Variants in F13A1 observed in about 807,000 individuals in gnomAD.
The protein encoded by F13A1 is coagulation factor XIII A chain.
In F13A1, 47 loss-of-function variants were observed where a neutral mutation model predicts 80.1. The observed-to-expected ratio is 0.59, with a 90% confidence interval of 0.46 to 0.75. The LOEUF is 0.75. F13A1 is among the 30% of genes least tolerant of loss of function. The pLI is 0.00. For synonymous variants in F13A1, 349 were observed against 344.9 expected (o/e 1.01, Z -0.13); for missense variants, 817 against 930.4 (o/e 0.88, Z 1.59).
intron 8 of F13A1, chr6:6,206,538 C>G: frequency 2.0e-6 from 1 of 490,822 alleles, no homozygotes; most frequent in Non-Finnish European, 4.2e-6. Flanking sequence ...TCAAGTGAGA[C>G]TTGAGTGGAA....
intron 3 of F13A1, among the ~76,000 whole-genome samples, chr6:6,297,583 C>T (rs896955560): frequency 2.7e-5 from 4 of 149,652 alleles, no homozygotes; most frequent in East Asian, 1.9e-4. Flanking sequence ...TCTGTGGGAT[C>T]GGTGGTGATA....
intron 3 of F13A1, among the ~76,000 whole-genome samples, chr6:6,267,875 T>C (rs767860924): frequency 1.2e-4 from 19 of 152,208 alleles, no homozygotes; most frequent in Non-Finnish European, 1.9e-4. Flanking sequence ...AGCTTCACCT[T>C]TGTGCTAACT....
chr6:6,161,524 A>ATGTGTGTGTGTGTGTGTGTGTGTGTG (rs143895728), intron 13 of F13A1, among the ~76,000 whole-genome samples: 3 of 133,556 alleles, frequency 2.2e-5, no homozygotes, highest in South Asian at 2.6e-4. Context: ...CAGAGAGAGG[A>ATGTGTGTGTGTGTGTGTGTGTGTGTG]TGTGTGTGTG....
intron 2 of F13A1, among the ~76,000 whole-genome samples, chr6:6,315,009 A>C (rs1758658800): frequency 6.6e-6 from 1 of 152,238 alleles, no homozygotes; most frequent in African/African-American, 2.4e-5. Context: ...AGACCCCATT[A>C]GCCTGAAAAA....
At chr6:6,300,387 C>T (rs1002788903) in intron 3 of F13A1, among the ~76,000 whole-genome samples, 11 of 151,300 alleles carry the variant, frequency 7.3e-5, no homozygotes, top group African/African-American at 2.7e-4. Flanking sequence ...TGCCAGCAAT[C>T]AGCGAGACTC....
intron 3 of F13A1, among the ~76,000 whole-genome samples, chr6:6,293,138 C>G (rs1043480801): frequency 6.6e-6 from 1 of 152,076 alleles, no homozygotes; most frequent in Non-Finnish European, 1.5e-5. Context: ...GACCTGGACA[C>G]CCCCAGGTTC....
chr6:6,215,693 G>A (rs1225243722), intron 8 of F13A1, among the ~76,000 whole-genome samples: 21 of 147,628 alleles, frequency 1.4e-4, no homozygotes, highest in African/African-American at 4.5e-4. Context: ...AATTAGGCAG[G>A]AGAAGGAAAT....
Position 6,151,968 on chromosome 6 carries a change from G to A in F13A1, c.1909-19C>T, listed in dbSNP as rs142006808. The stretch of plus-strand genomic sequence containing the variant: ...CACGGACCTAAGAGAGAGAATGCAG[G>A]TCATTAGCACCAAATAAAACCTCGT... On this transcript the variant is annotated intron_variant, in intron 13 of 14. Transcript: ENST00000264870. 9.3e-6 allele frequency: 15 copies of A among 1,613,704 alleles called. No homozygotes were observed. The highest frequency in any genetic ancestry group is 6.6e-5 in the South Asian group (6 of 91,054).
At chr6:6,297,103 G>A (rs1457803072) in intron 3 of F13A1, among the ~76,000 whole-genome samples, 1 of 148,262 alleles carries the variant, frequency 6.7e-6, no homozygotes, top group African/African-American at 2.6e-5. Flanking sequence ...AAGCCCACTT[G>A]ATCATGGTGG....
chr6:6,269,981 G>A (rs552799701), intron 3 of F13A1, among the ~76,000 whole-genome samples: 8 of 152,242 alleles, frequency 5.3e-5, no homozygotes, highest in Admixed American at 3.9e-4. Flanking sequence ...CAAAGTGCTG[G>A]GATTACAGGC....
chr6:6,153,289 T>C (rs1760412294), intron 13 of F13A1, among the ~76,000 whole-genome samples: 1 of 152,178 alleles, frequency 6.6e-6, no homozygotes, highest in Non-Finnish European at 1.5e-5. Flanking sequence ...GGAAGGACAT[T>C]GCCCAGAGAA....
Position 6,174,812 on chromosome 6 carries a change from C to A in F13A1, c.1515G>T (p.Lys505Asn). The A allele has an allele frequency of 6.2e-7, 1 of 1,614,130 alleles. No individual in the cohort carries two copies. Among genetic ancestry groups the A allele is most frequent in the Non-Finnish European group, 8.5e-7 (1 of 1,180,024 alleles). The change falls in exon 12 of 15, where the codon AAG (lysine) becomes AAT (asparagine). Residue 505 changes from lysine (K) to asparagine (N), a missense_variant. Transcript: ENST00000264870. ...TCATGACACCTTCTGTGTTGAGGGG[C>A]TTTTTAGCTCCGTACATCAGGGCAG... The part of the protein sequence containing the change: ...LETALMYGAK[K>N]PLNTEGVMKS...
chr6:6,226,739 T>A (rs887067589), intron 6 of F13A1, among the ~76,000 whole-genome samples: 1 of 152,228 alleles, frequency 6.6e-6, no homozygotes, highest in Admixed American at 6.5e-5. Context: ...CAATAATCAC[T>A]TATATAGTCA....
intron 3 of F13A1, among the ~76,000 whole-genome samples, chr6:6,279,080 G>A (rs985894483): frequency 1.3e-5 from 2 of 152,138 alleles, no homozygotes; most frequent in African/African-American, 4.8e-5. Flanking sequence ...ACTGCACTAT[G>A]TACCTTTCCT....
At chr6:6,319,998 G>A (rs551244171) in intron 1 of F13A1, among the ~76,000 whole-genome samples, 1 of 152,350 alleles carries the variant, frequency 6.6e-6, no homozygotes, top group East Asian at 1.9e-4. Flanking sequence ...GCAGAACAGT[G>A]TGGCGCGCTG....
intron 14 of F13A1, among the ~76,000 whole-genome samples, chr6:6,150,245 T>C (rs1760350375): frequency 6.6e-6 from 1 of 152,152 alleles, no homozygotes; most frequent in Admixed American, 6.5e-5. Flanking sequence ...GATTCTTGCA[T>C]CTGATTTGAG....
chr6:6,240,571 T>C (rs1757471878), intron 6 of F13A1, among the ~76,000 whole-genome samples: 1 of 152,216 alleles, frequency 6.6e-6, no homozygotes, highest in African/African-American at 2.4e-5. Context: ...TGGATAAAGT[T>C]ACTTAACTTC....
In F13A1 at chr6:6,291,872, C is replaced by T. The variant is rs3024357; in HGVS notation, c.319+13479G>A. On this transcript the variant is annotated intron_variant, in intron 3 of 14. Coordinates refer to ENST00000264870, the MANE Select transcript of F13A1 (RefSeq NM_000129.4). The stretch of plus-strand genomic sequence containing the variant: ...CTCCTGTCCAACCCAAACCTCCTCC[C>T]GAAGCTTCAGACTCATATTATCTAT... Among the ~76,000 whole-genome samples the T allele has an allele frequency of 3.5e-3, 537 of 152,260 alleles. 2 individuals carry two copies. Among genetic ancestry groups the T allele is most frequent in the African/African-American group, 0.011 (465 of 41,554 alleles).
At chr6:6,217,347 C>T (rs1757108651) in intron 8 of F13A1, among the ~76,000 whole-genome samples, 1 of 144,500 alleles carries the variant, frequency 6.9e-6, no homozygotes, top group Non-Finnish European at 1.5e-5. Context: ...ACTATGCAGC[C>T]ATAAAAAATG....
Sources: gnomAD v4.1 joint callset for allele counts (sites outside exome capture counted in the v4.1 genomes callset) on GRCh38, gnomAD v4.1.1 for gene constraint, MANE v1.5 for transcripts, NCBI Gene and HGNC (gene_info 2026-07-23, HGNC 2026-07-21) for gene names.